ARHGAP42: variants seen among roughly 807,000 people sequenced by gnomAD.
ARHGAP42 encodes the protein rho GTPase-activating protein 42.
Under a neutral mutation model 125.0 loss-of-function variants are expected in ARHGAP42, and 63 were observed. The ratio of observed to expected loss-of-function variants is 0.50; its 90% CI spans 0.41 to 0.62. The LOEUF is 0.62. Among genes scored for constraint, ARHGAP42 ranks in the 20% least tolerant of loss-of-function variants. ARHGAP42 has a pLI of 0.00. For missense variants in ARHGAP42, 766 were observed against 1,024.2 expected, an observed-to-expected ratio of 0.75 and a Z score of 3.44; for synonymous variants, 339 against 351.0, an observed-to-expected ratio of 0.97 and a Z score of 0.38.
At chr11:100,903,117 G>GCGCACACACACACACACACA (rs373508179) in intron 4 of ARHGAP42, among the ~76,000 whole-genome samples, 2,502 of 131,978 alleles carry the variant, frequency 0.019, 62 homozygotes, top group South Asian at 0.037. Context: ...TCCAAGATGC[G>GCGCACACACACACACACACA]CACACACACA....
At chr11:100,856,828 G>C (rs943753530) in intron 3 of ARHGAP42, among the ~76,000 whole-genome samples, 2 of 152,008 alleles carry the variant, frequency 1.3e-5, no homozygotes, top group Non-Finnish European at 2.9e-5. Flanking sequence ...AGCCTTCCAT[G>C]TGCCAAATCT....
intron 9 of ARHGAP42, among the ~76,000 whole-genome samples, chr11:100,942,841 C>G (rs561861714): frequency 6.6e-6 from 1 of 152,190 alleles, no homozygotes; most frequent in African/African-American, 2.4e-5. Flanking sequence ...TGGGAAGTTA[C>G]TAAGTGCCAT....
intron 1 of ARHGAP42, among the ~76,000 whole-genome samples, chr11:100,730,862 G>A (rs184730577): frequency 2.0e-4 from 31 of 152,312 alleles, no homozygotes; most frequent in African/African-American, 7.2e-4. Flanking sequence ...TGATTGTACT[G>A]AATATGGTAG....
intron 22 of ARHGAP42, among the ~76,000 whole-genome samples, chr11:100,983,978 C>T (rs935689970): frequency 3.9e-5 from 6 of 151,996 alleles, no homozygotes; most frequent in Non-Finnish European, 7.4e-5. Flanking sequence ...TTAATTGGCA[C>T]GGTGGTGTGC....
chr11:100,701,824 AT>A (rs912358275), intron 1 of ARHGAP42, among the ~76,000 whole-genome samples: 20 of 149,326 alleles, frequency 1.3e-4, no homozygotes, highest in African/African-American at 3.9e-4. Context: ...CTGAAGTAGC[AT>A]TTTTTTTTTC....
intron 1 of ARHGAP42, among the ~76,000 whole-genome samples, chr11:100,699,488 A>G: frequency 3.6e-5 from 1 of 27,906 alleles, no homozygotes. Flanking sequence ...ATGTATATAT[A>G]TATATATATA....
chr11:100,719,539 T>C (rs6590814), intron 1 of ARHGAP42, among the ~76,000 whole-genome samples: 86,299 of 151,992 alleles, frequency 0.57, 24,989 homozygotes, highest in African/African-American at 0.7. Context: ...TGCCTGCACT[T>C]GGCAGCAAGC....
At chr11:100,905,411 AT>A (rs1866697451) in intron 4 of ARHGAP42, among the ~76,000 whole-genome samples, 1 of 152,198 alleles carries the variant, frequency 6.6e-6, no homozygotes, top group African/African-American at 2.4e-5. Flanking sequence ...CCTATGGAAA[AT>A]GAATATTTAG....
intron 1 of ARHGAP42, among the ~76,000 whole-genome samples, chr11:100,750,023 G>T (rs990343124): frequency 1.3e-5 from 2 of 152,044 alleles, no homozygotes; most frequent in Non-Finnish European, 2.9e-5. Flanking sequence ...TATTTCTCCT[G>T]ATTTCTCACC....
chr11:100,729,815 T>C (rs373181630), intron 1 of ARHGAP42, among the ~76,000 whole-genome samples: 19 of 150,718 alleles, frequency 1.3e-4, no homozygotes, highest in East Asian at 9.7e-4. Flanking sequence ...TTCTTTCTTT[T>C]TTTTTTTTTT....
chr11:100,818,705 TACTGGTAC>T (rs1864330983), intron 3 of ARHGAP42, among the ~76,000 whole-genome samples: 1 of 152,208 alleles, frequency 6.6e-6, no homozygotes, highest in Non-Finnish European at 1.5e-5. Context: ...GTGAAAGGCA[TACTGGTAC>T]CTTCTATCTG....
chr11:100,692,874 AG>A (rs958226070), intron 1 of ARHGAP42, among the ~76,000 whole-genome samples: 4 of 152,198 alleles, frequency 2.6e-5, no homozygotes, highest in African/African-American at 9.6e-5. Flanking sequence ...AGACAAGATG[AG>A]GCACCTCTGC....
chr11:100,741,538 A>T (rs887835435), intron 1 of ARHGAP42, among the ~76,000 whole-genome samples: 2 of 152,192 alleles, frequency 1.3e-5, no homozygotes, highest in Admixed American at 6.5e-5. Flanking sequence ...TGCAGCCTCT[A>T]GTCCAGATTG....
chr11:100,827,882 G>A (rs1864561259), intron 3 of ARHGAP42, among the ~76,000 whole-genome samples: 2 of 152,194 alleles, frequency 1.3e-5, no homozygotes, highest in South Asian at 4.1e-4. Flanking sequence ...GTGTGGAAGA[G>A]AAAAAGTCAA....
intron 4 of ARHGAP42, among the ~76,000 whole-genome samples, chr11:100,887,871 C>T (rs1866129150): frequency 6.6e-6 from 1 of 152,178 alleles, no homozygotes; most frequent in African/African-American, 2.4e-5. Context: ...CACTAGGAGG[C>T]AATTCTCACA....
intron 2 of ARHGAP42, among the ~76,000 whole-genome samples, chr11:100,772,056 T>C (rs1461696096): frequency 6.6e-6 from 1 of 152,204 alleles, no homozygotes; most frequent in Admixed American, 6.5e-5. Context: ...CTCTTCTTCC[T>C]CTGCCCTTTC....
Position 100,781,096 on chromosome 11 carries a change from T to C in ARHGAP42, c.250+10658T>C, listed in dbSNP as rs187279128. Among the ~76,000 whole-genome samples the C allele has an allele frequency of 5.9e-3, 902 of 152,306 alleles. 34 individuals are homozygous for C. Among genetic ancestry groups the C allele is most frequent in the Admixed American group, 0.052 (788 of 15,290 alleles). On this transcript the variant is annotated intron_variant, in intron 2 of 23. Transcript: ENST00000298815. The stretch of plus-strand genomic sequence containing the variant: ...TTCTTTGTGGAGTTTCTCTAACTTA[T>C]GTTAAATATACTGTAATATAAATTA...
intron 3 of ARHGAP42, among the ~76,000 whole-genome samples, chr11:100,850,615 A>C (rs1324382236): frequency 1.3e-5 from 2 of 152,208 alleles, no homozygotes; most frequent in African/African-American, 4.8e-5. Context: ...AGTGCTAACT[A>C]TACAAGATCT....
chr11:100,931,670 A>G (rs557435923), intron 6 of ARHGAP42, among the ~76,000 whole-genome samples: 1 of 152,326 alleles, frequency 6.6e-6, no homozygotes, highest in East Asian at 1.9e-4. Context: ...TAGCAACTTC[A>G]TAATCTGTTA....
Sources: allele counts gnomAD v4.1 joint callset (sites outside exome capture counted in the v4.1 genomes callset), GRCh38; gene constraint gnomAD v4.1.1; transcripts MANE v1.5; gene names NCBI Gene and HGNC (gene_info 2026-07-23, HGNC 2026-07-21).